PHLDB2: variants seen among roughly 807,000 people sequenced by gnomAD.
The protein encoded by PHLDB2 is pleckstrin homology-like domain family B member 2.
Under a neutral mutation model 123.6 loss-of-function variants are expected in PHLDB2, and 71 were observed. The ratio of observed to expected loss-of-function variants is 0.57; its 90% CI spans 0.47 to 0.70. The LOEUF (loss-of-function observed/expected upper bound fraction) is 0.70. Ranked by LOEUF, PHLDB2 falls within the 30% of genes least tolerant of loss-of-function variation. PHLDB2 has a pLI of 0.00. For missense variants in PHLDB2, 1,446 were observed against 1,519.5 expected, an observed-to-expected ratio of 0.95 and a Z score of 0.80; for synonymous variants, 547 against 541.6, an observed-to-expected ratio of 1.01 and a Z score of -0.14.
intron 1 of PHLDB2, among the ~76,000 whole-genome samples, chr3:111,879,269 TTTAGTC>T (rs2065817098): frequency 6.6e-6 from 1 of 152,132 alleles, no homozygotes; most frequent in Admixed American, 6.5e-5. Context: ...CTCTTCTTGG[TTTAGTC>T]TTAGGAGAGG....
At chr3:111,823,309 G>T (rs2062494580) in intron 1 of PHLDB2, among the ~76,000 whole-genome samples, 1 of 152,296 alleles carries the variant, frequency 6.6e-6, no homozygotes, top group East Asian at 1.9e-4. Context: ...GCATGCCTGA[G>T]AAAATACTTA....
At chr3:111,826,260 G>C (rs7652173) in intron 1 of PHLDB2, among the ~76,000 whole-genome samples, 31,631 of 152,048 alleles carry the variant, frequency 0.21, 5,150 homozygotes, top group African/African-American at 0.43. Flanking sequence ...AGTGAGCCAA[G>C]AGCATGCCAC....
chr3:111,887,125 ATC>A (rs1216999702), intron 2 of PHLDB2, among the ~76,000 whole-genome samples: 1 of 152,164 alleles, frequency 6.6e-6, no homozygotes, highest in Non-Finnish European at 1.5e-5. Context: ...CATGTTCAGC[ATC>A]TCTAAGTGTT....
At chr3:111,950,540 A>G (rs1577171699) in intron 10 of PHLDB2, among the ~76,000 whole-genome samples, 1 of 152,292 alleles carries the variant, frequency 6.6e-6, no homozygotes, top group East Asian at 1.9e-4. Flanking sequence ...TTAAATAAAT[A>G]ATTTTTTATT....
At chr3:111,738,590 C>T (rs2059549230) in intron 1 of PHLDB2, among the ~76,000 whole-genome samples, 1 of 152,072 alleles carries the variant, frequency 6.6e-6, no homozygotes, top group South Asian at 2.1e-4. Flanking sequence ...GGCCAAACCA[C>T]AGCTTCTTTA....
intron 1 of PHLDB2, among the ~76,000 whole-genome samples, chr3:111,806,034 AC>A (rs11351597): frequency 0.33 from 47,665 of 143,244 alleles, 7,813 homozygotes; most frequent in South Asian, 0.39. Flanking sequence ...ACATAAAAAA[AC>A]AGGTCAAAAT....
intron 1 of PHLDB2, among the ~76,000 whole-genome samples, chr3:111,789,019 GTTC>G (rs1279097130): frequency 3.3e-5 from 5 of 152,170 alleles, no homozygotes; most frequent in Admixed American, 6.5e-5. Flanking sequence ...GCTATATTAT[GTTC>G]TTCTCCCTGT....
chr3:111,762,106 C>T (rs574070052), intron 1 of PHLDB2, among the ~76,000 whole-genome samples: 6 of 152,168 alleles, frequency 3.9e-5, no homozygotes, highest in Non-Finnish European at 8.8e-5. Flanking sequence ...GCTATTAGTT[C>T]ATTGCATGGG....
intron 2 of PHLDB2, among the ~76,000 whole-genome samples, chr3:111,894,793 A>G (rs2066723478): frequency 6.6e-6 from 1 of 152,102 alleles, no homozygotes; most frequent in African/African-American, 2.4e-5. Context: ...AGTTCATTGT[A>G]GATTCTGGAT....
chr3:111,972,878 T>C (rs2399400), intron 16 of PHLDB2, among the ~76,000 whole-genome samples: 76,816 of 151,802 alleles, frequency 0.51, 19,834 homozygotes, highest in East Asian at 0.69. Context: ...GTGGAATTGC[T>C]TAGTAAGAGG....
At chr3:111,865,601 C>T (rs941460258) in intron 1 of PHLDB2, among the ~76,000 whole-genome samples, 16 of 152,104 alleles carry the variant, frequency 1.1e-4, no homozygotes, top group Middle Eastern at 3.4e-3. Flanking sequence ...TGAAGACAGG[C>T]GAATTGACGT....
At chr3:111,897,383 G>A (rs28584013) in intron 2 of PHLDB2, among the ~76,000 whole-genome samples, 22,612 of 152,152 alleles carry the variant, frequency 0.15, 1,933 homozygotes, top group Non-Finnish European at 0.19. Context: ...CCCATATAAT[G>A]TACAGGGTTC....
intron 2 of PHLDB2, chr3:111,911,620 G>A (rs1172609279): frequency 6.5e-7 from 1 of 1,536,012 alleles, no homozygotes; most frequent in Non-Finnish European, 8.7e-7. Flanking sequence ...ATAGGGTGCA[G>A]AAGAGCCCAA....
At chr3:111,735,686 G>A (rs7620801) in intron 1 of PHLDB2, among the ~76,000 whole-genome samples, 148,131 of 152,324 alleles carry the variant, frequency 0.97, 72,050 homozygotes, top group East Asian at 1. Flanking sequence ...TAACCAAAAC[G>A]CTAGGAGAAA....
chr3:111,794,020 C>G (rs1424600474), intron 1 of PHLDB2, among the ~76,000 whole-genome samples: 1 of 151,834 alleles, frequency 6.6e-6, no homozygotes, highest in African/African-American at 2.4e-5. Context: ...CAGCTGGTGT[C>G]TCACTAGGTT....
chr3:111,754,700 G>T (rs997767051), intron 1 of PHLDB2, among the ~76,000 whole-genome samples: 14 of 147,546 alleles, frequency 9.5e-5, no homozygotes, highest in African/African-American at 7.6e-5. Flanking sequence ...GAATAGGAGT[G>T]GTGAGAGAGG....
At chr3:111,889,733 C>A (rs887127152) in intron 2 of PHLDB2, among the ~76,000 whole-genome samples, 1 of 152,076 alleles carries the variant, frequency 6.6e-6, no homozygotes, top group African/African-American at 2.4e-5. Context: ...ATTGGAATTT[C>A]ACAAAATTTA....
At chr3:111,914,711 T>G (rs2068069273) in intron 3 of PHLDB2, 1 of 152,156 alleles carries the variant, frequency 6.6e-6, no homozygotes, top group African/African-American at 2.4e-5. Context: ...TAACTAGTCT[T>G]TATTTTGACT....
intron 1 of PHLDB2, among the ~76,000 whole-genome samples, chr3:111,780,705 T>G (rs1366644452): frequency 1.3e-5 from 2 of 152,098 alleles, no homozygotes; most frequent in African/African-American, 4.8e-5. Context: ...AACTCTCATA[T>G]CAGAGATTAT....
Sources: gnomAD v4.1 joint callset for allele counts (sites outside exome capture counted in the v4.1 genomes callset) on GRCh38, gnomAD v4.1.1 for gene constraint, MANE v1.5 for transcripts, NCBI Gene and HGNC (gene_info 2026-07-23, HGNC 2026-07-21) for gene names.